The following TFPI variants were observed in gnomAD, a reference collection of about 807,000 sequenced individuals.
TFPI encodes tissue factor pathway inhibitor.
Under a neutral mutation model 34.6 loss-of-function variants are expected in TFPI, and 15 were observed. The observed-to-expected ratio is 0.43, with a 90% CI of 0.29 to 0.67. TFPI has a LOEUF of 0.67. Ranked by LOEUF, TFPI falls within the 30% of genes least tolerant of loss-of-function variation. The pLI, the probability that TFPI is intolerant of heterozygous loss-of-function variation, is 0.15. For missense variants in TFPI, 301 were observed against 364.0 expected (o/e 0.83, Z 1.41); for synonymous variants, 105 against 120.1 (o/e 0.87, Z 0.82).
chr2:187,545,440 A>G (rs1688808710), intron 1 of TFPI, among the ~76,000 whole-genome samples: 1 of 152,228 alleles, frequency 6.6e-6, no homozygotes, highest in African/African-American at 2.4e-5. Context: ...AGAAATAAGT[A>G]TCTGAAATAT....
At chr2:187,483,963 A>G in intron 6 of TFPI, 161 bp downstream of exon 6, 1 of 616,382 alleles carries the variant, frequency 1.6e-6, no homozygotes. Flanking sequence ...ATGAGATTAA[A>G]TGTCTTAAAC....
chr2:187,468,012 T>C (rs1691809371), intron 6 of TFPI, 80 bp from the exon 7 acceptor site: 8 of 1,217,668 alleles, frequency 6.6e-6, no homozygotes, highest in South Asian at 4.4e-5. Context: ...GTTTATAGAT[T>C]AATGTTGTTG....
intron 3 of TFPI, among the ~76,000 whole-genome samples, chr2:187,490,036 T>C (rs1344702455): frequency 1.3e-5 from 2 of 151,650 alleles, no homozygotes; most frequent in African/African-American, 4.8e-5. Flanking sequence ...TGAATTTGTT[T>C]TAATATTTCA....
chr2:187,483,532 C>G (rs1693034708), intron 6 of TFPI, among the ~76,000 whole-genome samples: 1 of 151,956 alleles, frequency 6.6e-6, no homozygotes, highest in African/African-American at 2.4e-5. Context: ...AGTATTTTCA[C>G]TATTTTCTCA....
At chr2:187,487,864 G>A (rs2106030804) in intron 4 of TFPI, among the ~76,000 whole-genome samples, 1 of 151,378 alleles carries the variant, frequency 6.6e-6, no homozygotes. Context: ...GGAATATTTG[G>A]TGAAACTTGC....
chr2:187,492,610 G>C (rs1685194773), intron 3 of TFPI, among the ~76,000 whole-genome samples: 1 of 152,190 alleles, frequency 6.6e-6, no homozygotes, highest in Admixed American at 6.5e-5. Context: ...CCCACCTCTT[G>C]CATCAGCGTG....
intron 2 of TFPI, among the ~76,000 whole-genome samples, chr2:187,502,268 C>T (rs1452319399): frequency 6.6e-6 from 1 of 152,128 alleles, no homozygotes; most frequent in Non-Finnish European, 1.5e-5. Flanking sequence ...GCAGCAGCCA[C>T]AATTTCAGGA....
chr2:187,513,537 C>T (rs1388595474), intron 1 of TFPI: 2 of 152,544 alleles, frequency 1.3e-5, no homozygotes, highest in African/African-American at 2.4e-5. Flanking sequence ...CGTACCACCC[C>T]TAGAATTTCT....
At chr2:187,548,426 A>C (rs1387434212) in intron 1 of TFPI, among the ~76,000 whole-genome samples, 1 of 151,968 alleles carries the variant, frequency 6.6e-6, no homozygotes, top group Non-Finnish European at 1.5e-5. Flanking sequence ...TATATCTTTC[A>C]TGGTGGTGTG....
chr2:187,522,043 ATG>A (rs1687405043), intron 1 of TFPI, among the ~76,000 whole-genome samples: 1 of 152,080 alleles, frequency 6.6e-6, no homozygotes, highest in Non-Finnish European at 1.5e-5. Context: ...TCGGAGAAAA[ATG>A]TGTTTAACTC....
chr2:187,497,014 T>C lies in TFPI; in HGVS notation c.186A>G (p.Pro62=). The C allele has an allele frequency of 1.2e-6, 2 of 1,613,364 alleles. No homozygotes were observed. Among genetic ancestry groups the C allele is most frequent in the African/African-American group, 1.3e-5 (1 of 74,998 alleles). The change falls in exon 3 of 8, where the codon CCA becomes CCG. Residue 62 remains proline, a synonymous_variant. Coordinates refer to ENST00000233156, the MANE Select transcript of TFPI (RefSeq NM_006287.6). ...SFCAFKADDG[P]CKAIMKRFFF... Reference sequence around the variant, plus strand: ...AAAATCTTTTCATGATTGCTTTACATGGGCCATCATCCGCCTTGAATGCAC... The same window carrying C: ...AAAATCTTTTCATGATTGCTTTACACGGGCCATCATCCGCCTTGAATGCAC...
chr2:187,523,062 T>C (rs1007925854), intron 1 of TFPI, among the ~76,000 whole-genome samples: 1 of 152,076 alleles, frequency 6.6e-6, no homozygotes, highest in African/African-American at 2.4e-5. Flanking sequence ...TGTGCATGTT[T>C]CACTGAGATA....
chr2:187,473,198 GA>G (rs1239422684), intron 6 of TFPI, among the ~76,000 whole-genome samples: 1 of 151,934 alleles, frequency 6.6e-6, no homozygotes, highest in Non-Finnish European at 1.5e-5. Context: ...AATGAGAATA[GA>G]ATTTATATAT....
intron 1 of TFPI, among the ~76,000 whole-genome samples, chr2:187,531,301 T>C (rs1267948716): frequency 2.0e-5 from 3 of 152,228 alleles, no homozygotes; most frequent in Non-Finnish European, 4.4e-5. Context: ...TACTCTATAT[T>C]CTACCAAAGA....
Position 187,496,868 on chromosome 2 carries a change from C to T in TFPI, c.319+13G>A. On this transcript the variant is annotated intron_variant, in intron 3 of 7. Coordinates refer to ENST00000233156, the MANE Select transcript of TFPI (RefSeq NM_006287.6). Reference sequence around the variant, plus strand: ...TAAAGGGTCTTGAGTAATAAGGGTTCCCAGAAACCTACCTCTTGTACACAT... The same window carrying T: ...TAAAGGGTCTTGAGTAATAAGGGTTTCCAGAAACCTACCTCTTGTACACAT... The T allele has an allele frequency of 6.2e-7, 1 of 1,611,842 alleles. No individual in the cohort carries two copies. The highest frequency in any genetic ancestry group is 1.3e-5 in the African/African-American group (1 of 74,866).
intron 6 of TFPI, among the ~76,000 whole-genome samples, chr2:187,480,608 C>T (rs1240708391): frequency 6.6e-6 from 1 of 152,030 alleles, no homozygotes. Flanking sequence ...GTTGTGATGG[C>T]TTTCAGTTCT....
At chr2:187,479,294 G>A (rs945995374) in intron 6 of TFPI, among the ~76,000 whole-genome samples, 3 of 151,782 alleles carry the variant, frequency 2.0e-5, no homozygotes, top group Non-Finnish European at 4.4e-5. Flanking sequence ...TCGATGACTA[G>A]AAATAGGACA....
intron 1 of TFPI, among the ~76,000 whole-genome samples, chr2:187,535,633 G>A (rs907781985): frequency 6.6e-5 from 10 of 152,156 alleles, no homozygotes; most frequent in African/African-American, 2.2e-4. Context: ...GAGAAAGTGG[G>A]AAAGATCTAA....
In TFPI at chr2:187,466,421, G is replaced by A. The variant is rs1027615569; in HGVS notation, c.*515C>T. 5 of 152,596 alleles carry A rather than the reference G, an allele frequency of 3.3e-5. No individual in the cohort carries two copies. Among genetic ancestry groups the A allele is most frequent in the Admixed American group, 2.0e-4 (3 of 15,270 alleles). 9.5% of individuals were successfully genotyped at this position (152,596 alleles called of 1,614,324 possible). A position where few individuals can be genotyped will look rare whatever the true frequency, so the allele number is the denominator to read the frequency against. ...AGGAGAAAAACTATGTCTAAGGAGG[G>A]AAGCACATAATAGAATTCTATTATT... is the stretch of plus-strand genomic sequence containing the variant. On this transcript the variant is annotated 3_prime_UTR_variant, in exon 8 of 8. Transcript: ENST00000233156.
Sources: allele counts gnomAD v4.1 joint callset (sites outside exome capture counted in the v4.1 genomes callset), GRCh38; gene constraint gnomAD v4.1.1; transcripts MANE v1.5; gene names NCBI Gene and HGNC (gene_info 2026-07-23, HGNC 2026-07-21).